CNGA1: variants seen among roughly 807,000 people sequenced by gnomAD.
CNGA1 encodes the protein cyclic nucleotide-gated channel alpha-1.
CNGA1 carries 53 observed loss-of-function variants against 69.7 expected under a neutral mutation model. The observed-to-expected ratio is 0.76, with a 90% CI of 0.61 to 0.96. The LOEUF (loss-of-function observed/expected upper bound fraction) is 0.96. Among genes scored for constraint, CNGA1 ranks in the 40% least tolerant of loss-of-function variants. The probability of loss-of-function intolerance (pLI) is 0.00; values close to 1 mark genes in which losing one functional copy is unlikely to be tolerated. For missense variants in CNGA1, 739 were observed against 811.2 expected (o/e 0.91, Z 1.08); for synonymous variants, 249 against 283.5 (o/e 0.88, Z 1.22).
intron 10 of CNGA1, among the ~76,000 whole-genome samples, chr4:47,940,060 T>C (rs1560619481): frequency 6.6e-6 from 1 of 152,196 alleles, no homozygotes; most frequent in Non-Finnish European, 1.5e-5. Context: ...GGCTTGTGTG[T>C]TTTAAACCCA....
intron 5 of CNGA1, among the ~76,000 whole-genome samples, chr4:47,950,161 CT>C (rs1739655417): frequency 6.6e-6 from 1 of 152,218 alleles, no homozygotes; most frequent in Non-Finnish European, 1.5e-5. Flanking sequence ...CAAATCTCAT[CT>C]TGAATTATAG....
At chr4:47,941,924 G>T in intron 9 of CNGA1, 117 bp downstream of exon 9, 1 of 676,848 alleles carries the variant, frequency 1.5e-6, no homozygotes, top group Non-Finnish European at 2.6e-6. Context: ...TTTACCACCT[G>T]CAGTAGAGAA....
chr4:47,953,400 A>G (rs896265932), intron 3 of CNGA1, among the ~76,000 whole-genome samples: 2 of 152,256 alleles, frequency 1.3e-5, no homozygotes, highest in Non-Finnish European at 2.9e-5. Flanking sequence ...AAGCAATTAA[A>G]TAACAGTAAA....
intron 2 of CNGA1, among the ~76,000 whole-genome samples, chr4:47,994,036 A>C (rs1742382178): frequency 6.6e-6 from 1 of 152,136 alleles, no homozygotes; most frequent in African/African-American, 2.4e-5. Flanking sequence ...CTGTGGTCTG[A>C]GAGTGCCTGA....
intron 3 of CNGA1, among the ~76,000 whole-genome samples, chr4:47,953,756 G>A (rs538325090): frequency 2.6e-5 from 4 of 152,252 alleles, no homozygotes; most frequent in Admixed American, 1.3e-4. Context: ...TATGATTTCT[G>A]TTCATGGTCC....
In CNGA1 at chr4:47,943,192, A is replaced by C; in HGVS notation, c.426T>G (p.Asp142Glu). ...EKKKKEEKSK[D>E]KKEEEKKEVV... The stretch of plus-strand genomic sequence containing the variant: ...CTAAAAGTGCTTACTCTTCTTTCTT[A>C]TCTTTGCTTTTCTCCTCTTTCTTTT... Residue 142 changes from aspartate to glutamate, a missense_variant, in exon 8 of 11, where the codon GAT (aspartate) becomes GAG (glutamate). Transcript: ENST00000514170. 1 of 1,603,564 alleles carries C rather than the reference A, an allele frequency of 6.2e-7. No homozygotes were observed. The highest frequency in any genetic ancestry group is 8.5e-7 in the Non-Finnish European group (1 of 1,173,106).
intron 3 of CNGA1, among the ~76,000 whole-genome samples, chr4:47,965,469 C>G (rs576135405): frequency 1.3e-5 from 2 of 151,440 alleles, no homozygotes; most frequent in South Asian, 4.2e-4. Flanking sequence ...CTCTGTCACC[C>G]AGACTGGAGT....
rs1698608300 is a variant in CNGA1, at chr4:48,016,567, C to T, written c.-307G>A. 1 of 492,856 alleles carries T rather than the reference C, an allele frequency of 2.0e-6. No homozygotes were observed. The highest frequency in any genetic ancestry group is 3.0e-5 in the South Asian group (1 of 33,304). 30.5% of individuals were successfully genotyped at this position (492,856 alleles called of 1,614,324 possible). On this transcript the variant is annotated 5_prime_UTR_variant, in exon 1 of 11. Transcript: ENST00000514170. Reference sequence around the variant, plus strand: ...CTAGTTCGCGGCTCCAGCAGTCGCGCCAAGGGGCAGCTGCTACTCCTGCCA... The same window carrying T: ...CTAGTTCGCGGCTCCAGCAGTCGCGTCAAGGGGCAGCTGCTACTCCTGCCA...
intron 2 of CNGA1, among the ~76,000 whole-genome samples, chr4:47,993,306 GTCT>G (rs1164206003): frequency 3.3e-5 from 5 of 152,004 alleles, no homozygotes; most frequent in African/African-American, 1.2e-4. Context: ...CTGTGAATCT[GTCT>G]GGTTCTGGAC....
intron 3 of CNGA1, among the ~76,000 whole-genome samples, chr4:47,962,209 T>C (rs1227375586): frequency 1.3e-5 from 2 of 151,834 alleles, no homozygotes; most frequent in Non-Finnish European, 1.5e-5. Context: ...CTGGGTGTGG[T>C]GGTGTGTGCC....
At chr4:47,964,783 T>A (rs1294641090) in intron 3 of CNGA1, among the ~76,000 whole-genome samples, 1 of 152,116 alleles carries the variant, frequency 6.6e-6, no homozygotes, top group East Asian at 1.9e-4. Flanking sequence ...TCCTTTACAT[T>A]TTCAAAAATG....
intron 2 of CNGA1, among the ~76,000 whole-genome samples, chr4:48,007,937 C>G (rs1714993170): frequency 6.6e-6 from 1 of 152,036 alleles, no homozygotes; most frequent in Admixed American, 6.5e-5. Context: ...TTATTTCACT[C>G]CTTTTAAAAG....
intron 2 of CNGA1, among the ~76,000 whole-genome samples, chr4:48,004,555 G>T (rs1176813979): frequency 6.6e-6 from 1 of 152,106 alleles, no homozygotes; most frequent in African/African-American, 2.4e-5. Context: ...GGCTAGGATG[G>T]TTTATTCCTA....
chr4:47,989,396 C>G (rs1252737308), intron 2 of CNGA1, among the ~76,000 whole-genome samples: 1 of 152,056 alleles, frequency 6.6e-6, no homozygotes, highest in Admixed American at 6.6e-5. Flanking sequence ...AATCACTGAA[C>G]AAGTAAATAA....
intron 1 of CNGA1, among the ~76,000 whole-genome samples, chr4:48,015,835 A>G (rs1162814641): frequency 6.6e-6 from 1 of 152,138 alleles, no homozygotes; most frequent in African/African-American, 2.4e-5. Flanking sequence ...TGGACTCAAG[A>G]GAGCCACTCG....
At position 47,946,256 on chromosome 4, in the gene CNGA1, A is replaced by T. The variant is rs371563893; in HGVS notation, c.288-2844T>A. On this transcript the variant is annotated intron_variant, in intron 6 of 10. Transcript: ENST00000514170. ...AATGGATCCTAATGGATAGCAATAG[A>T]CAATTGCAAAATCAACCAAGTAGTA... Among the ~76,000 whole-genome samples, 70 of 152,198 alleles carry T rather than the reference A, an allele frequency of 4.6e-4. No individual in the cohort carries two copies. The East Asian group carries it at 6.6e-3, about 14-fold the overall frequency.
At chr4:47,950,760 C>T (rs1431096822) in intron 5 of CNGA1, among the ~76,000 whole-genome samples, 2 of 152,192 alleles carry the variant, frequency 1.3e-5, no homozygotes, top group Non-Finnish European at 2.9e-5. Flanking sequence ...ATCTCAAGTC[C>T]GGTATCTGAA....
chr4:48,000,498 T>C (rs1714621261), intron 2 of CNGA1, among the ~76,000 whole-genome samples: 1 of 152,010 alleles, frequency 6.6e-6, no homozygotes, highest in South Asian at 2.1e-4. Flanking sequence ...GCCTCCCAAG[T>C]AGGTGGGATT....
Position 47,940,744 on chromosome 4 carries a change from C to A in CNGA1, c.652+19G>T, listed in dbSNP as rs540214883. ...TAAAAGCATGAAATTTTAAAATATT[C>A]AAAACTGAACATATTTACCTGTCCT... On this transcript the variant is annotated intron_variant, in intron 10 of 10. Coordinates refer to ENST00000514170, the MANE Select transcript of CNGA1 (RefSeq NM_001379270.1). The A allele has an allele frequency of 5.1e-5, 74 of 1,440,118 alleles. 1 individual carries two copies. The South Asian group carries it at 8.4e-4, about 16-fold the overall frequency. The allele number at this position is 1,440,118 out of a possible 1,614,324, so 89.2% of individuals were successfully genotyped here.
Sources: allele counts gnomAD v4.1 joint callset (sites outside exome capture counted in the v4.1 genomes callset), GRCh38; gene constraint gnomAD v4.1.1; transcripts MANE v1.5; gene names NCBI Gene and HGNC (gene_info 2026-07-23, HGNC 2026-07-21).